The following CGNL1 variants were observed in gnomAD, a reference collection of about 807,000 sequenced individuals.
CGNL1 encodes the protein cingulin like 1.
CGNL1 carries 132 observed loss-of-function variants against 141.2 expected under a neutral mutation model. That is an observed-to-expected ratio of 0.93 (90% CI 0.81 to 1.08). The LOEUF (loss-of-function observed/expected upper bound fraction) is 1.08, where lower values mean the gene tolerates loss of function less well. CGNL1 is among the 50% of genes least tolerant of loss of function. The pLI is 0.00. For synonymous variants in CGNL1, 690 were observed against 622.1 expected, an observed-to-expected ratio of 1.11 and a Z score of -1.63; for missense variants, 1,870 against 1,588.6, an observed-to-expected ratio of 1.18 and a Z score of -3.01.
intron 1 of CGNL1, among the ~76,000 whole-genome samples, chr15:57,385,148 T>C (rs2062469021): frequency 6.6e-6 from 1 of 152,240 alleles, no homozygotes; most frequent in East Asian, 1.9e-4. Flanking sequence ...AGAATATATT[T>C]TCTTTGCAGT....
chr15:57,495,522 G>T (rs2063925335), intron 8 of CGNL1, among the ~76,000 whole-genome samples: 1 of 152,150 alleles, frequency 6.6e-6, no homozygotes. Flanking sequence ...AACAGCCTTT[G>T]TTTGCCCCTT....
intron 1 of CGNL1, among the ~76,000 whole-genome samples, chr15:57,414,862 T>A (rs1407786184): frequency 1.3e-5 from 2 of 152,212 alleles, no homozygotes; most frequent in African/African-American, 4.8e-5. Context: ...GCTCCTGAAC[T>A]CTCATATATT....
chr15:57,466,737 C>A (rs1165594927), intron 8 of CGNL1, among the ~76,000 whole-genome samples: 2 of 152,274 alleles, frequency 1.3e-5, no homozygotes, highest in African/African-American at 2.4e-5. Flanking sequence ...AACCATTAGA[C>A]TGTTTTGGCT....
intron 1 of CGNL1, among the ~76,000 whole-genome samples, chr15:57,418,501 T>C (rs1240191532): frequency 6.6e-6 from 1 of 152,192 alleles, no homozygotes; most frequent in African/African-American, 2.4e-5. Context: ...TCTACCATGG[T>C]TGCCCAGCTC....
At chr15:57,413,423 G>A (rs2062814947) in intron 1 of CGNL1, among the ~76,000 whole-genome samples, 1 of 152,144 alleles carries the variant, frequency 6.6e-6, no homozygotes, top group African/African-American at 2.4e-5. Context: ...ACTACAAGGT[G>A]CGCACCGCCA....
intron 6 of CGNL1, among the ~76,000 whole-genome samples, chr15:57,452,998 G>A (rs747509290): frequency 9.8e-5 from 15 of 152,294 alleles, no homozygotes; most frequent in Admixed American, 6.5e-4. Context: ...GCTAATTGCA[G>A]AAAAGAGTTT....
intron 1 of CGNL1, among the ~76,000 whole-genome samples, chr15:57,377,396 G>A (rs1010901131): frequency 6.6e-6 from 1 of 152,134 alleles, no homozygotes; most frequent in African/African-American, 2.4e-5. Flanking sequence ...CCAGAGATCT[G>A]GATTCGGCTT....
intron 1 of CGNL1, among the ~76,000 whole-genome samples, chr15:57,403,603 G>C (rs1013944916): frequency 6.6e-6 from 1 of 152,218 alleles, no homozygotes; most frequent in Admixed American, 6.5e-5. Context: ...GTGGGGAAAA[G>C]TAAATTCCAT....
rs558260448 is a variant in CGNL1, at chr15:57,467,851, C to T, written c.2403+5959C>T. On this transcript the variant is annotated intron_variant, in intron 8 of 18. Coordinates refer to ENST00000281282, the MANE Select transcript of CGNL1 (RefSeq NM_032866.5). Reference sequence around the variant, plus strand: ...ATTACAGGCGCCTGCCACCACACCCCGCTGATTTTTACGTTTTTAGTAGAG... The same window carrying T: ...ATTACAGGCGCCTGCCACCACACCCTGCTGATTTTTACGTTTTTAGTAGAG... Among the ~76,000 whole-genome samples, 15 of 151,852 alleles carry T rather than the reference C, an allele frequency of 9.9e-5. No individual in the cohort carries two copies. In the South Asian group the frequency reaches 1.0e-3, roughly 11 times the overall value.
At chr15:57,411,570 A>G (rs1159736717) in intron 1 of CGNL1, among the ~76,000 whole-genome samples, 9 of 151,502 alleles carry the variant, frequency 5.9e-5, no homozygotes, top group African/African-American at 1.5e-4. Flanking sequence ...CACCCTCCCA[A>G]GTATCTGGGA....
At chr15:57,397,155 G>A (rs1238044107) in intron 1 of CGNL1, 1 of 152,294 alleles carries the variant, frequency 6.6e-6, no homozygotes, top group Admixed American at 6.5e-5. Flanking sequence ...GTCATGTGAA[G>A]AGGAATGGAT....
intron 16 of CGNL1, 68 bp downstream of exon 16, chr15:57,544,665 T>TGTC: frequency 1.3e-6 from 2 of 1,531,160 alleles, no homozygotes; most frequent in African/African-American, 2.7e-5. Context: ...CGCAATGTGT[T>TGTC]GTCACATTTG....
chr15:57,527,899 C>T (rs1220990397), intron 12 of CGNL1, among the ~76,000 whole-genome samples: 1 of 152,162 alleles, frequency 6.6e-6, no homozygotes. Flanking sequence ...AATAAATTAC[C>T]CCCTGGGAAA....
At chr15:57,436,958 A>G (rs2063113044) in intron 1 of CGNL1, among the ~76,000 whole-genome samples, 2 of 152,232 alleles carry the variant, frequency 1.3e-5, no homozygotes, top group Non-Finnish European at 1.5e-5. Context: ...ACTCTAGAAT[A>G]GAAAGAAAAC....
rs542574608 is a variant in CGNL1 at position 57,504,418 on chromosome 15, A to G, written c.2404-12362A>G. 3.9e-5 allele frequency among the ~76,000 whole-genome samples: 6 copies of G among 152,314 alleles called. No homozygotes were observed. The South Asian group carries it at 1.2e-3, about 32-fold the overall frequency. ...GTTACAGCCCCACTTGTCCTTGGGAATGAAGCTTGTGATGAACTCCAGATT... is the reference window on the plus strand; with the variant it reads ...GTTACAGCCCCACTTGTCCTTGGGAGTGAAGCTTGTGATGAACTCCAGATT... On this transcript the variant is annotated intron_variant, in intron 8 of 18. Coordinates refer to ENST00000281282, the MANE Select transcript of CGNL1 (RefSeq NM_032866.5).
chr15:57,379,588 T>G (rs2062403591), intron 1 of CGNL1, among the ~76,000 whole-genome samples: 1 of 152,234 alleles, frequency 6.6e-6, no homozygotes, highest in African/African-American at 2.4e-5. Context: ...ATTGGCCTTT[T>G]AAAAATATCC....
At chr15:57,456,812 G>A (rs2063384554) in intron 7 of CGNL1, among the ~76,000 whole-genome samples, 1 of 152,176 alleles carries the variant, frequency 6.6e-6, no homozygotes, top group Non-Finnish European at 1.5e-5. Flanking sequence ...CTGCGGTGCT[G>A]AGAGATGGGC....
intron 5 of CGNL1, among the ~76,000 whole-genome samples, 181 bp from the exon 6 acceptor site, chr15:57,451,960 A>G (rs1379683013): frequency 6.6e-6 from 1 of 152,218 alleles, no homozygotes; most frequent in Non-Finnish European, 1.5e-5. Flanking sequence ...ACAGTTCATT[A>G]AATATAAATG....
At chr15:57,516,750 C>T (rs765958225) in intron 8 of CGNL1, 30 bp from the exon 9 acceptor site, 2 of 1,608,346 alleles carry the variant, frequency 1.2e-6, no homozygotes, top group East Asian at 2.2e-5. Context: ...ACATCAGTCT[C>T]CTTGTTCATT....
Sources: gnomAD v4.1 joint callset for allele counts (sites outside exome capture counted in the v4.1 genomes callset) on GRCh38, gnomAD v4.1.1 for gene constraint, MANE v1.5 for transcripts, NCBI Gene and HGNC (gene_info 2026-07-23, HGNC 2026-07-21) for gene names.